Variants in ZFHX3 observed in about 807,000 individuals in gnomAD.
ZFHX3 encodes the protein zinc finger homeobox 3, also known as zinc finger homeobox protein 3.
ZFHX3 carries 42 observed loss-of-function variants against 279.1 expected under a neutral mutation model. The observed-to-expected ratio is 0.15, with a 90% confidence interval of 0.12 to 0.19. The LOEUF (loss-of-function observed/expected upper bound fraction) is 0.19, where lower values mean the gene tolerates loss of function less well. Ranked by LOEUF, ZFHX3 falls within the 10% of genes least tolerant of loss-of-function variation. The pLI, the probability that ZFHX3 is intolerant of heterozygous loss-of-function variation, is 1.00. For synonymous variants in ZFHX3, 2,293 were observed against 1,957.8 expected (o/e 1.17, Z -4.52); for missense variants, 4,981 against 4,754.0 (o/e 1.05, Z -1.40).
intron 2 of ZFHX3, among the ~76,000 whole-genome samples, chr16:72,955,533 C>A (rs62053189): frequency 0.026 from 3,939 of 152,282 alleles, 72 homozygotes; most frequent in Non-Finnish European, 0.041. Flanking sequence ...AATCCCAGCA[C>A]TTTGGGAGGC....
chr16:72,809,692 A>C (rs961676624), intron 7 of ZFHX3: 10 of 152,210 alleles, frequency 6.6e-5, no homozygotes, highest in Non-Finnish European at 1.3e-4. Flanking sequence ...AATGGAATAG[A>C]AAATGCCTGG....
At chr16:73,187,876 T>G (rs75851974) in intron 5 of ZFHX3, among the ~76,000 whole-genome samples, 1 of 152,234 alleles carries the variant, frequency 6.6e-6, no homozygotes, top group Non-Finnish European at 1.5e-5. Flanking sequence ...CTTTTTTTTT[T>G]GAGACGGAGT....
intron 2 of ZFHX3, among the ~76,000 whole-genome samples, chr16:72,953,485 C>T (rs559921126): frequency 6.6e-6 from 1 of 152,296 alleles, no homozygotes; most frequent in African/African-American, 2.4e-5. Flanking sequence ...AGATTTCACC[C>T]CGGCACATCA....
chr16:73,438,893 G>A (rs2018040115), intron 3 of ZFHX3, among the ~76,000 whole-genome samples: 1 of 152,170 alleles, frequency 6.6e-6, no homozygotes, highest in Admixed American at 6.5e-5. Flanking sequence ...AGCAAGAGAA[G>A]CGACAGCCAG....
intron 2 of ZFHX3, among the ~76,000 whole-genome samples, chr16:73,513,826 C>A (rs1424281918): frequency 6.6e-6 from 1 of 152,058 alleles, no homozygotes; most frequent in Non-Finnish European, 1.5e-5. Flanking sequence ...CTCATGCCCA[C>A]CACAGAGAAG....
chr16:72,800,664 C>A (rs963122294), intron 7 of ZFHX3, among the ~76,000 whole-genome samples: 7 of 152,316 alleles, frequency 4.6e-5, no homozygotes, highest in South Asian at 4.1e-4. Flanking sequence ...TAGGGACACG[C>A]AGACATGCTG....
At chr16:73,345,682 G>A (rs1372663653) in intron 3 of ZFHX3, among the ~76,000 whole-genome samples, 1 of 152,126 alleles carries the variant, frequency 6.6e-6, no homozygotes, top group Non-Finnish European at 1.5e-5. Context: ...GATATTGTGA[G>A]TAGTGCTGCA....
intron 3 of ZFHX3, among the ~76,000 whole-genome samples, chr16:73,329,874 C>T (rs1273305432): frequency 6.6e-6 from 1 of 152,206 alleles, no homozygotes; most frequent in Admixed American, 6.5e-5. Flanking sequence ...TGAAAGACTG[C>T]TTGCAGTTTA....
At chr16:72,838,161 C>T (rs1185835274) in intron 4 of ZFHX3, among the ~76,000 whole-genome samples, 2 of 152,186 alleles carry the variant, frequency 1.3e-5, no homozygotes, top group Non-Finnish European at 2.9e-5. Flanking sequence ...TACCACCATC[C>T]CTGTTTTTTG....
At chr16:73,115,992 T>C (rs937739073) in intron 7 of ZFHX3, among the ~76,000 whole-genome samples, 2 of 152,048 alleles carry the variant, frequency 1.3e-5, no homozygotes, top group East Asian at 1.9e-4. Flanking sequence ...TGGTGATGCA[T>C]GCCTGTAATC....
chr16:73,499,786 C>G (rs2019203436), intron 2 of ZFHX3: 1 of 152,120 alleles, frequency 6.6e-6, no homozygotes. Flanking sequence ...TGCCACATGA[C>G]AACGTTTCAA....
At chr16:73,720,483 T>C (rs1280396085) in intron 1 of ZFHX3, among the ~76,000 whole-genome samples, 1 of 152,180 alleles carries the variant, frequency 6.6e-6, no homozygotes, top group Non-Finnish European at 1.5e-5. Context: ...TATGATAAAA[T>C]GTCATGTAGC....
chr16:72,851,297 T>G (rs973890184), intron 4 of ZFHX3, among the ~76,000 whole-genome samples: 1 of 152,026 alleles, frequency 6.6e-6, no homozygotes, highest in Admixed American at 6.5e-5. Flanking sequence ...ACGAAGTGAC[T>G]TTACATGAAA....
chr16:73,835,458 CTT>C (rs34127285), intron 1 of ZFHX3, among the ~76,000 whole-genome samples: 25 of 49,522 alleles, frequency 5.0e-4, no homozygotes, highest in African/African-American at 1.7e-3. Flanking sequence ...CCCTCTTCTG[CTT>C]TTTTTTTTTT....
chr16:73,594,091 A>G (rs2052025333), intron 2 of ZFHX3, among the ~76,000 whole-genome samples: 1 of 152,170 alleles, frequency 6.6e-6, no homozygotes, highest in Admixed American at 6.5e-5. Flanking sequence ...AAACAAAACT[A>G]TTTATATAAG....
At chr16:73,211,370 G>C (rs2012011553) in intron 5 of ZFHX3, among the ~76,000 whole-genome samples, 1 of 152,154 alleles carries the variant, frequency 6.6e-6, no homozygotes, top group Admixed American at 6.5e-5. Flanking sequence ...TGATTATTAA[G>C]AGGTTATATG....
chr16:73,408,822 T>C (rs2017412905), intron 3 of ZFHX3, among the ~76,000 whole-genome samples: 1 of 151,816 alleles, frequency 6.6e-6, no homozygotes, highest in Non-Finnish European at 1.5e-5. Flanking sequence ...TTTGGTCCTC[T>C]CCCATGGGAG....
At chr16:73,760,449 T>C (rs1228513757) in intron 1 of ZFHX3, among the ~76,000 whole-genome samples, 1 of 148,492 alleles carries the variant, frequency 6.7e-6, no homozygotes, top group Non-Finnish European at 1.5e-5. Flanking sequence ...GAGGCCAGCA[T>C]CATCCTGATA....
intron 5 of ZFHX3, among the ~76,000 whole-genome samples, chr16:73,181,318 C>T: frequency 6.6e-6 from 1 of 151,986 alleles, no homozygotes; most frequent in Non-Finnish European, 1.5e-5. Flanking sequence ...TCTCCATCTC[C>T]TGACCCACTG....
Sources: gnomAD v4.1 joint callset for allele counts (sites outside exome capture counted in the v4.1 genomes callset) on GRCh38, gnomAD v4.1.1 for gene constraint, MANE v1.5 for transcripts, NCBI Gene and HGNC (gene_info 2026-07-23, HGNC 2026-07-21) for gene names.